The following CORIN variants were observed in gnomAD, a reference collection of about 807,000 sequenced individuals.
CORIN encodes the protein corin, serine peptidase.
Under a neutral mutation model 125.3 loss-of-function variants are expected in CORIN, and 117 were observed. That is an observed-to-expected ratio of 0.93 (90% CI 0.80 to 1.09). CORIN has a LOEUF of 1.09. CORIN is among the 50% of genes least tolerant of loss of function. The probability of loss-of-function intolerance (pLI) is 0.00; values close to 1 mark genes in which losing one functional copy is unlikely to be tolerated. For synonymous variants in CORIN, 450 were observed against 466.4 expected (o/e 0.96, Z 0.45); for missense variants, 1,253 against 1,306.7 (o/e 0.96, Z 0.63).
chr4:47,627,654 G>A (rs1247744778), intron 16 of CORIN, among the ~76,000 whole-genome samples: 1 of 152,134 alleles, frequency 6.6e-6, no homozygotes. Flanking sequence ...AGTTCTGAAT[G>A]CAGAGGCAAA....
chr4:47,642,680 A>ACTGGAGGTGCTGGTAGGAGATGT (rs1377677962), intron 15 of CORIN, among the ~76,000 whole-genome samples: 2 of 152,180 alleles, frequency 1.3e-5, no homozygotes, highest in East Asian at 3.8e-4. Context: ...AAACTGCAAC[A>ACTGGAGGTGCTGGTAGGAGATGT]CTGGAGGTGC....
chr4:47,678,029 T>C lies in CORIN; in HGVS notation c.1158A>G (p.Glu386=), dbSNP rs758541179. 6.2e-7 allele frequency: 1 copy of C among 1,613,966 alleles called. No individual in the cohort carries two copies. Among genetic ancestry groups the C allele is most frequent in the Non-Finnish European group, 8.5e-7 (1 of 1,179,854 alleles). The change falls in exon 9 of 22, where the codon GAA becomes GAG. Residue 386 remains glutamate, a synonymous_variant. Coordinates refer to ENST00000273857, the MANE Select transcript of CORIN (RefSeq NM_006587.4). ...TGGGGATACATTGTCCATTTCTGCA[T>C]TCCACCAGACCCTGGCTGTGACAGG... is the stretch of plus-strand genomic sequence containing the variant. ...NCSCHSQGLV[E]CRNGQCIPST...
At chr4:47,707,911 T>G (rs1349797849) in intron 5 of CORIN, among the ~76,000 whole-genome samples, 1 of 152,194 alleles carries the variant, frequency 6.6e-6, no homozygotes, top group African/African-American at 2.4e-5. Flanking sequence ...AAGCTAATAC[T>G]TATCTGGTGC....
intron 12 of CORIN, among the ~76,000 whole-genome samples, chr4:47,658,543 C>T (rs536062322): frequency 3.9e-5 from 6 of 152,380 alleles, no homozygotes; most frequent in South Asian, 2.1e-4. Context: ...CTCTGCACTG[C>T]TCTGACAGAT....
intron 1 of CORIN, among the ~76,000 whole-genome samples, chr4:47,819,321 A>G (rs1236973038): frequency 6.6e-6 from 1 of 152,200 alleles, no homozygotes; most frequent in South Asian, 2.1e-4. Flanking sequence ...CTAGAAGAGC[A>G]AGTTGGCAAA....
At chr4:47,823,851 T>G (rs562218386) in intron 1 of CORIN, among the ~76,000 whole-genome samples, 8 of 152,342 alleles carry the variant, frequency 5.3e-5, no homozygotes, top group African/African-American at 1.7e-4. Flanking sequence ...CTCCTATGCA[T>G]GGACACCTTC....
chr4:47,819,856 C>A (rs1041948079), intron 1 of CORIN, among the ~76,000 whole-genome samples: 3 of 152,176 alleles, frequency 2.0e-5, no homozygotes, highest in African/African-American at 4.8e-5. Context: ...AAGATAAAAT[C>A]CCCTTCGTCA....
chr4:47,757,878 G>GTATATATATATATATATA (rs59621469), intron 4 of CORIN, among the ~76,000 whole-genome samples: 54 of 123,898 alleles, frequency 4.4e-4, no homozygotes, highest in African/African-American at 1.3e-3. Flanking sequence ...ATATATATAT[G>GTATATATATATATATATA]TATATATATA....
intron 2 of CORIN, among the ~76,000 whole-genome samples, chr4:47,800,452 A>G (rs1223141273): frequency 2.0e-5 from 3 of 152,332 alleles, no homozygotes; most frequent in East Asian, 3.9e-4. Flanking sequence ...GCCAATGAAC[A>G]TAGTCTCATG....
intron 12 of CORIN, among the ~76,000 whole-genome samples, chr4:47,655,391 C>T (rs539133342): frequency 7.2e-5 from 11 of 152,220 alleles, no homozygotes; most frequent in African/African-American, 2.6e-4. Context: ...TAATTCTAAG[C>T]CCTGGCTCTT....
chr4:47,606,550 A>C (rs571299005), intron 19 of CORIN, among the ~76,000 whole-genome samples: 1 of 152,286 alleles, frequency 6.6e-6, no homozygotes, highest in East Asian at 1.9e-4. Flanking sequence ...CACCAAGCCC[A>C]GCCCAGAAGA....
chr4:47,599,045 C>T (rs1721353287), intron 21 of CORIN, among the ~76,000 whole-genome samples: 1 of 152,202 alleles, frequency 6.6e-6, no homozygotes, highest in South Asian at 2.1e-4. Context: ...ACTGGTCTCA[C>T]TGGCAGAGAT....
chr4:47,698,367 T>A (rs990728466), intron 5 of CORIN, among the ~76,000 whole-genome samples: 1 of 151,610 alleles, frequency 6.6e-6, no homozygotes, highest in African/African-American at 2.4e-5. Context: ...TGAGGGAGTC[T>A]CAGGAAGATT....
chr4:47,769,485 T>C (rs1016922431), intron 3 of CORIN, among the ~76,000 whole-genome samples: 5 of 152,084 alleles, frequency 3.3e-5, no homozygotes, highest in Admixed American at 6.5e-5. Flanking sequence ...GCAATCCCTA[T>C]TATAATTCTA....
chr4:47,744,271 T>C, intron 5 of CORIN, 131 bp downstream of exon 5: 3 of 817,858 alleles, frequency 3.7e-6, no homozygotes, highest in Non-Finnish European at 5.6e-6. Context: ...TTGATCTGGG[T>C]TCTGGTTACA....
In CORIN at chr4:47,717,960, G is replaced by A. The variant is rs552908674; in HGVS notation, c.800-24877C>T. 2.0e-4 allele frequency among the ~76,000 whole-genome samples: 30 copies of A among 152,230 alleles called. No individual in the cohort carries two copies. The South Asian group carries it at 3.5e-3, about 18-fold the overall frequency. On this transcript the variant is annotated intron_variant, in intron 5 of 21. Transcript: ENST00000273857. ...ACCACCGAAGTGATAAACTGGCAAC[G>A]AGAGGTGAGAAGGAGGAACAGAGAT... is the stretch of plus-strand genomic sequence containing the variant.
intron 1 of CORIN, among the ~76,000 whole-genome samples, chr4:47,810,683 C>A (rs1438361426): frequency 1.3e-5 from 2 of 152,140 alleles, no homozygotes; most frequent in Non-Finnish European, 2.9e-5. Context: ...CCTCTCTGGT[C>A]ATTCCTTCTC....
intron 21 of CORIN, 150 bp downstream of exon 21, chr4:47,600,064 G>T: frequency 1.6e-6 from 1 of 630,632 alleles, no homozygotes; most frequent in Non-Finnish European, 2.6e-6. Context: ...TGTACCAGCT[G>T]CAGGAAAATG....
intron 11 of CORIN, among the ~76,000 whole-genome samples, chr4:47,662,341 C>A (rs1724287413): frequency 6.6e-6 from 1 of 152,142 alleles, no homozygotes; most frequent in Non-Finnish European, 1.5e-5. Flanking sequence ...TAAGGCATGC[C>A]TCCCTTACTT....
Sources: gnomAD v4.1 joint callset for allele counts (sites outside exome capture counted in the v4.1 genomes callset) on GRCh38, gnomAD v4.1.1 for gene constraint, MANE v1.5 for transcripts, NCBI Gene and HGNC (gene_info 2026-07-23, HGNC 2026-07-21) for gene names.